Variants in GALNT14 observed in about 807,000 individuals in gnomAD.
GALNT14 encodes polypeptide N-acetylgalactosaminyltransferase 14, also known as UDP-GalNAc:polypeptide N-acetylgalactosaminyltransferase 14.
A neutral mutation model predicts 77.5 loss-of-function variants in GALNT14; 60 were observed. The observed-to-expected ratio is 0.77, with a 90% confidence interval of 0.63 to 0.96. GALNT14 has a LOEUF of 0.96. Ranked by LOEUF, GALNT14 falls within the 40% of genes least tolerant of loss-of-function variation. The pLI, the probability that GALNT14 is intolerant of heterozygous loss-of-function variation, is 0.00. For synonymous variants in GALNT14, 280 were observed against 281.7 expected (o/e 0.99, Z 0.06); for missense variants, 710 against 731.0 (o/e 0.97, Z 0.33).
intron 9 of GALNT14, among the ~76,000 whole-genome samples, chr2:30,938,382 A>T (rs866101006): frequency 6.2e-4 from 89 of 143,576 alleles, no homozygotes; most frequent in African/African-American, 2.3e-3. Context: ...ACACACACAC[A>T]CACTCTCTCT....
In GALNT14 at chr2:30,992,695, C is replaced by T. The variant is rs1157424878; in HGVS notation, c.299+143G>A. 6.2e-6 allele frequency: 6 copies of T among 975,562 alleles called. No individual in the cohort carries two copies. In the South Asian group the frequency reaches 6.5e-5, roughly 11 times the overall value. The allele number at this position is 975,562 out of a possible 1,614,324, so 60.4% of individuals were successfully genotyped here. ...ACACAGCCAGGGTCAATCACCAAAT[C>T]CGAATCCCTTTAGTGTTCAACTGGC... On this transcript the variant is annotated intron_variant, in intron 2 of 14. Transcript: ENST00000349752.
intron 8 of GALNT14, among the ~76,000 whole-genome samples, chr2:30,944,505 C>G (rs972621423): frequency 6.6e-6 from 1 of 152,126 alleles, no homozygotes; most frequent in South Asian, 2.1e-4. Flanking sequence ...TGTCCAAGAC[C>G]CTGGGACTTT....
chr2:30,904,500 G>A, the GALNT14 span, among the ~76,000 whole-genome samples: 10 of 152,316 alleles, frequency 6.6e-5, no homozygotes, highest in Non-Finnish European at 1.2e-4. Context: ...GCGCTTTTCC[G>A]ACGGGCTTAA....
At chr2:30,894,030 A>G in the GALNT14 span, among the ~76,000 whole-genome samples, 1 of 152,180 alleles carries the variant, frequency 6.6e-6, no homozygotes, top group Admixed American at 6.5e-5. Flanking sequence ...TTTCTAGGCG[A>G]AAAGGAAAGA....
intron 1 of GALNT14, among the ~76,000 whole-genome samples, chr2:31,002,790 C>G (rs1019445950): frequency 1.3e-5 from 2 of 152,216 alleles, no homozygotes; most frequent in African/African-American, 4.8e-5. Flanking sequence ...ACATTCCCCA[C>G]AGCGTGCAGA....
chr2:31,020,114 T>A (rs1671622961), intron 1 of GALNT14, among the ~76,000 whole-genome samples: 1 of 152,092 alleles, frequency 6.6e-6, no homozygotes, highest in Non-Finnish European at 1.5e-5. Flanking sequence ...GCCACTGCTG[T>A]CAGAAATGAG....
chr2:30,963,862 G>A (rs1383445346), intron 3 of GALNT14, among the ~76,000 whole-genome samples: 7 of 152,072 alleles, frequency 4.6e-5, no homozygotes, highest in South Asian at 2.1e-4. Flanking sequence ...TCCTTTAGCC[G>A]AATTAACCCT....
chr2:31,037,160 T>A (rs1197819447), intron 1 of GALNT14, among the ~76,000 whole-genome samples: 1 of 152,206 alleles, frequency 6.6e-6, no homozygotes, highest in African/African-American at 2.4e-5. Context: ...TTTTGTCCAT[T>A]TATATTCATT....
intron 1 of GALNT14, among the ~76,000 whole-genome samples, chr2:30,997,636 T>C (rs1227021941): frequency 6.6e-6 from 1 of 152,222 alleles, no homozygotes; most frequent in East Asian, 1.9e-4. Flanking sequence ...AGAGGGAATG[T>C]GTTTCAAAAG....
At chr2:30,968,354 C>T (rs564594895) in intron 2 of GALNT14, among the ~76,000 whole-genome samples, 1 of 152,316 alleles carries the variant, frequency 6.6e-6, no homozygotes, top group East Asian at 1.9e-4. Context: ...TTGTGTAGCC[C>T]CTCCCTCACT....
intron 1 of GALNT14, among the ~76,000 whole-genome samples, chr2:31,090,289 T>G (rs937753189): frequency 1.3e-5 from 2 of 152,154 alleles, no homozygotes; most frequent in Admixed American, 6.5e-5. Flanking sequence ...CACTAGGTAC[T>G]TCCCCCACTG....
At chr2:31,043,914 A>C (rs973756613) in intron 1 of GALNT14, among the ~76,000 whole-genome samples, 3 of 151,182 alleles carry the variant, frequency 2.0e-5, no homozygotes, top group Non-Finnish European at 4.4e-5. Context: ...ACAAGAATAA[A>C]GGATGACCAG....
chr2:30,935,914 G>A (rs1336486904), intron 9 of GALNT14, among the ~76,000 whole-genome samples: 1 of 152,174 alleles, frequency 6.6e-6, no homozygotes, highest in African/African-American at 2.4e-5. Flanking sequence ...CTTCGAGGCT[G>A]CAGCACCTGC....
chr2:31,091,271 A>G (rs1337436723), intron 1 of GALNT14, among the ~76,000 whole-genome samples: 2 of 152,250 alleles, frequency 1.3e-5, no homozygotes, highest in Non-Finnish European at 2.9e-5. Context: ...TGATACATAA[A>G]AATTATATGA....
intron 1 of GALNT14, among the ~76,000 whole-genome samples, chr2:31,100,881 G>A (rs549536432): frequency 7.2e-5 from 11 of 152,008 alleles, no homozygotes; most frequent in East Asian, 5.8e-4. Flanking sequence ...TTACATTAGC[G>A]TATGATTAGG....
chr2:31,118,841 A>T (rs1678245010), intron 1 of GALNT14, among the ~76,000 whole-genome samples: 1 of 152,182 alleles, frequency 6.6e-6, no homozygotes, highest in Non-Finnish European at 1.5e-5. Flanking sequence ...TAATAAGAAA[A>T]TTCTGGTAAA....
At chr2:30,993,240 G>A (rs191392582) in intron 1 of GALNT14, among the ~76,000 whole-genome samples, 3 of 152,318 alleles carry the variant, frequency 2.0e-5, no homozygotes, top group East Asian at 1.9e-4. Context: ...GCTGTTCTAG[G>A]ATCTTGACTC....
chr2:31,043,183 A>G (rs12621813), intron 1 of GALNT14, among the ~76,000 whole-genome samples: 50,791 of 151,900 alleles, frequency 0.33, 8,721 homozygotes, highest in Admixed American at 0.45. Context: ...CTGCAAGACT[A>G]AGTCCCTCAC....
intron 2 of GALNT14, among the ~76,000 whole-genome samples, chr2:30,983,189 G>A (rs1048381002): frequency 6.6e-6 from 1 of 152,134 alleles, no homozygotes; most frequent in African/African-American, 2.4e-5. Flanking sequence ...TGTGGAAAGT[G>A]ATCTGTAAGG....
Sources: allele counts gnomAD v4.1 joint callset (sites outside exome capture counted in the v4.1 genomes callset), GRCh38; gene constraint gnomAD v4.1.1; transcripts MANE v1.5; gene names NCBI Gene and HGNC (gene_info 2026-07-23, HGNC 2026-07-21).